LRRC36: variants seen among roughly 807,000 people sequenced by gnomAD.
LRRC36 encodes the protein leucine rich repeat containing 36.
In LRRC36, 62 loss-of-function variants were observed where a neutral mutation model predicts 81.1. The ratio of observed to expected loss-of-function variants is 0.76; its 90% CI spans 0.62 to 0.94. The LOEUF is 0.94. Ranked by LOEUF, LRRC36 falls within the 40% of genes least tolerant of loss-of-function variation. The probability of loss-of-function intolerance (pLI) is 0.00; values close to 1 mark genes in which losing one functional copy is unlikely to be tolerated. For synonymous variants in LRRC36, 334 were observed against 348.6 expected (o/e 0.96, Z 0.47); for missense variants, 761 against 881.7 (o/e 0.86, Z 1.73).
intron 9 of LRRC36, among the ~76,000 whole-genome samples, chr16:67,373,356 T>C (rs2039740801): frequency 6.6e-6 from 1 of 152,142 alleles, no homozygotes; most frequent in South Asian, 2.1e-4. Flanking sequence ...CTTTTTAATT[T>C]CTGAAAGGTG....
At position 67,341,009 on chromosome 16, in the gene LRRC36, ATT is replaced by A. The variant is rs72411519; in HGVS notation, c.71-947_71-946del. Among the ~76,000 whole-genome samples the A allele has an allele frequency of 1.8e-4, 17 of 94,328 alleles. 2 individuals carry two copies. Among genetic ancestry groups the A allele is most frequent in the African/African-American group, 1.1e-3 (16 of 14,238 alleles). The allele number at this position is 94,328 out of a possible 152,430, so 61.9% of individuals were successfully genotyped here. A position where few individuals can be genotyped will look rare whatever the true frequency, so the allele number is the denominator to read the frequency against. On this transcript the variant is annotated intron_variant, in intron 1 of 13. Transcript: ENST00000329956. The stretch of plus-strand genomic sequence containing the variant: ...TATGTATATTATATATAGAATATGT[ATT>A]CTATAGAATATGTACTCTACATATT...
chr16:67,370,407 C>T (rs1461298571), intron 8 of LRRC36, among the ~76,000 whole-genome samples: 1 of 152,012 alleles, frequency 6.6e-6, no homozygotes, highest in African/African-American at 2.4e-5. Context: ...TTTGGGAGGC[C>T]AAGGCCAGCA....
intron 5 of LRRC36, among the ~76,000 whole-genome samples, chr16:67,361,549 G>C (rs1054796388): frequency 3.9e-5 from 6 of 152,016 alleles, no homozygotes; most frequent in African/African-American, 1.4e-4. Context: ...GAATTTGAAA[G>C]GTGAACTGCA....
intron 8 of LRRC36, among the ~76,000 whole-genome samples, chr16:67,368,461 G>T (rs183702923): frequency 6.5e-4 from 99 of 152,322 alleles, no homozygotes; most frequent in African/African-American, 2.3e-3. Context: ...ATGTGGGTCT[G>T]GGAGGAGAAC....
chr16:67,362,224 G>A (rs1006697998), intron 5 of LRRC36: 12 of 448,994 alleles, frequency 2.7e-5, no homozygotes, highest in Middle Eastern at 7.0e-4. Flanking sequence ...GTGCTGTGGC[G>A]CGATCTCGGC....
At chr16:67,370,246 G>A (rs973964452) in intron 8 of LRRC36, among the ~76,000 whole-genome samples, 3 of 152,184 alleles carry the variant, frequency 2.0e-5, no homozygotes, top group African/African-American at 7.2e-5. Context: ...AATAAAGGAG[G>A]TTGGCACCTG....
rs1343753458 is a variant in LRRC36 at position 67,340,988 on chromosome 16, T to TACTAC, written c.71-968_71-967insCTACA. Among the ~76,000 whole-genome samples, 151 of 127,192 alleles carry TACTAC rather than the reference T, an allele frequency of 1.2e-3. 6 individuals are homozygous for TACTAC. The highest frequency in any genetic ancestry group is 3.9e-3 in the African/African-American group (105 of 26,710). 83.4% of individuals were successfully genotyped at this position (127,192 alleles called of 152,430 possible). A position where few individuals can be genotyped will look rare whatever the true frequency, so the allele number is the denominator to read the frequency against. ...TATATTCTATAGAATATAGAATATG[T>TACTAC]ATATTATATATAGAATATGTATTCT... On this transcript the variant is annotated intron_variant, in intron 1 of 13. Coordinates refer to ENST00000329956, the MANE Select transcript of LRRC36 (RefSeq NM_018296.6).
At chr16:67,335,762 C>T (rs1202665933) in intron 1 of LRRC36, among the ~76,000 whole-genome samples, 8 of 149,790 alleles carry the variant, frequency 5.3e-5, no homozygotes, top group East Asian at 2.0e-4. Context: ...GACAGACTTT[C>T]GCTGTTGTTG....
intron 1 of LRRC36, among the ~76,000 whole-genome samples, chr16:67,327,351 G>T (rs2037238975): frequency 1.3e-5 from 2 of 151,956 alleles, no homozygotes; most frequent in African/African-American, 4.8e-5. Flanking sequence ...AAATTAGCCC[G>T]GCGTGGTGGT....
At chr16:67,334,015 A>G (rs2037628842) in intron 1 of LRRC36, among the ~76,000 whole-genome samples, 1 of 151,540 alleles carries the variant, frequency 6.6e-6, no homozygotes, top group Non-Finnish European at 1.5e-5. Context: ...CGTGTCCACC[A>G]TTATTATTAT....
chr16:67,347,415 G>A (rs909179144), intron 3 of LRRC36, 80 bp from the exon 4 acceptor site: 8 of 1,588,234 alleles, frequency 5.0e-6, no homozygotes, highest in South Asian at 2.3e-5. Flanking sequence ...TTTCCTCTGC[G>A]AATATGGTTT....
Position 67,376,880 on chromosome 16 carries a change from C to G in LRRC36, c.1806+8C>G. On this transcript the variant is annotated splice_region_variant and intron_variant, in intron 11 of 13. Coordinates refer to ENST00000329956, the MANE Select transcript of LRRC36 (RefSeq NM_018296.6). Reference sequence around the variant, plus strand: ...CTGGTCCCTAATGACATGGTATGCCCCTCTCATCTCCCTTTAGAAAAGGAC... The same window carrying G: ...CTGGTCCCTAATGACATGGTATGCCGCTCTCATCTCCCTTTAGAAAAGGAC... 6.2e-7 allele frequency: 1 copy of G among 1,602,496 alleles called. No individual in the cohort carries two copies.
At chr16:67,369,262 A>G (rs2039535170) in intron 8 of LRRC36, among the ~76,000 whole-genome samples, 1 of 152,194 alleles carries the variant, frequency 6.6e-6, no homozygotes, top group Non-Finnish European at 1.5e-5. Flanking sequence ...AAGAGAAACC[A>G]TCATGGAGAG....
intron 6 of LRRC36, among the ~76,000 whole-genome samples, 158 bp downstream of exon 6, chr16:67,363,872 C>T (rs1199419606): frequency 6.6e-6 from 1 of 152,162 alleles, no homozygotes; most frequent in African/African-American, 2.4e-5. Flanking sequence ...TGCAGAGTAC[C>T]TTCTCCATTA....
At chr16:67,332,867 T>TTTTA (rs922786671) in intron 1 of LRRC36, among the ~76,000 whole-genome samples, 4 of 151,378 alleles carry the variant, frequency 2.6e-5, no homozygotes, top group South Asian at 2.1e-4. Flanking sequence ...GTCAGGAAAA[T>TTTTA]TTTATTTATT....
intron 5 of LRRC36, 84 bp from the exon 6 acceptor site, chr16:67,363,506 C>T: frequency 1.4e-6 from 2 of 1,409,308 alleles, no homozygotes; most frequent in African/African-American, 2.9e-5. Context: ...TTGTGACTTT[C>T]CTTTTAGTAT....
chr16:67,385,155 G>A lies in LRRC36; in HGVS notation c.*66G>A. On this transcript the variant is annotated 3_prime_UTR_variant, in exon 14 of 14. Transcript: ENST00000329956. ...GAGGCTCTCACCGCCATTGCCACCAGTATGGTGGTATGTACTCACAAAGAT... is the reference window on the plus strand; with the variant it reads ...GAGGCTCTCACCGCCATTGCCACCAATATGGTGGTATGTACTCACAAAGAT... The A allele has an allele frequency of 8.9e-7, 1 of 1,120,752 alleles. No homozygotes were observed. The highest frequency in any genetic ancestry group is 1.3e-6 in the Non-Finnish European group (1 of 743,882). 69.4% of individuals were successfully genotyped at this position (1,120,752 alleles called of 1,614,324 possible).
At chr16:67,327,525 A>C (rs1240482430) in intron 1 of LRRC36, among the ~76,000 whole-genome samples, 1 of 152,070 alleles carries the variant, frequency 6.6e-6, no homozygotes, top group African/African-American at 2.4e-5. Context: ...ATAAATAAAT[A>C]ATAAAATGTC....
At position 67,376,707 on chromosome 16, in the gene LRRC36, C is replaced by T. The variant is rs761791935; in HGVS notation, c.1661-20C>T. The T allele has an allele frequency of 1.4e-5, 22 of 1,606,066 alleles. No homozygotes were observed. The highest frequency in any genetic ancestry group is 1.7e-5 in the Non-Finnish European group (20 of 1,173,952). ...TAGCTTTTAAGATTGGCCTGTGTGC[C>T]CATCCTGAATTTTTGGCAGGTCCTG... On this transcript the variant is annotated intron_variant, in intron 10 of 13. Transcript: ENST00000329956.
Sources: allele counts gnomAD v4.1 joint callset (sites outside exome capture counted in the v4.1 genomes callset), GRCh38; gene constraint gnomAD v4.1.1; transcripts MANE v1.5; gene names NCBI Gene and HGNC (gene_info 2026-07-23, HGNC 2026-07-21).